The following SPIDR variants were observed in gnomAD, a reference collection of about 807,000 sequenced individuals.
SPIDR encodes DNA repair-scaffolding protein.
Under a neutral mutation model 104.6 loss-of-function variants are expected in SPIDR, and 93 were observed. The ratio of observed to expected loss-of-function variants is 0.89; its 90% CI spans 0.75 to 1.06. The LOEUF (loss-of-function observed/expected upper bound fraction) is 1.06. Among genes scored for constraint, SPIDR ranks in the 50% least tolerant of loss-of-function variants. The pLI is 0.00. For synonymous variants in SPIDR, 431 were observed against 416.9 expected (o/e 1.03, Z -0.41); for missense variants, 1,154 against 1,111.2 (o/e 1.04, Z -0.55).
intron 8 of SPIDR, among the ~76,000 whole-genome samples, chr8:47,467,796 C>T (rs1358838902): frequency 7.2e-5 from 11 of 152,164 alleles, no homozygotes; most frequent in African/African-American, 2.7e-4. Flanking sequence ...AAAACCAGCC[C>T]AAGACAAGGA....
chr8:47,735,966 G>C lies in SPIDR; in HGVS notation c.*516G>C, dbSNP rs996802096. 4.6e-6 allele frequency: 1 copy of C among 216,452 alleles called. No individual in the cohort carries two copies. The highest frequency in any genetic ancestry group is 5.3e-5 in the Admixed American group (1 of 18,866). The allele number at this position is 216,452 out of a possible 1,614,324, so 13.4% of individuals were successfully genotyped here. A position where few individuals can be genotyped will look rare whatever the true frequency, so the allele number is the denominator to read the frequency against. ...AAATGTTCTAGGGAACTGTATCACA[G>C]GTGAAACTGTTACCCATAAAGTGTA... is the stretch of plus-strand genomic sequence containing the variant. On this transcript the variant is annotated 3_prime_UTR_variant, in exon 20 of 20. Coordinates refer to ENST00000297423, the MANE Select transcript of SPIDR (RefSeq NM_001080394.4).
chr8:47,712,688 A>G lies in SPIDR; in HGVS notation c.2004A>G (p.Gln668=). 3.1e-6 allele frequency: 5 copies of G among 1,614,126 alleles called. No individual in the cohort carries two copies. Among genetic ancestry groups the G allele is most frequent in the Non-Finnish European group, 4.2e-6 (5 of 1,180,028 alleles). The part of the protein sequence containing the change: ...PQLKSLLLLE[Q]REIWLLVTDV... ...TGAAGAGTCTGCTGCTTCTGGAGCAAAGGGAGATCTGGCTGCTAGTGACCG... is the reference window on the plus strand; with the variant it reads ...TGAAGAGTCTGCTGCTTCTGGAGCAGAGGGAGATCTGGCTGCTAGTGACCG... Residue 668 remains glutamine (Q), a synonymous_variant, in exon 15 of 20, where the codon CAA becomes CAG. Coordinates refer to ENST00000297423, the MANE Select transcript of SPIDR (RefSeq NM_001080394.4).
intron 1 of SPIDR, among the ~76,000 whole-genome samples, chr8:47,272,734 T>C (rs1291405236): frequency 6.6e-6 from 1 of 152,140 alleles, no homozygotes; most frequent in Admixed American, 6.5e-5. Flanking sequence ...TGGGTTCTTA[T>C]CTCACGATTA....
intron 8 of SPIDR, among the ~76,000 whole-genome samples, chr8:47,518,179 C>A (rs956000018): frequency 4.6e-5 from 7 of 152,222 alleles, no homozygotes; most frequent in African/African-American, 1.7e-4. Context: ...TCTGGCACAG[C>A]AGCCAGGCAC....
intron 5 of SPIDR, among the ~76,000 whole-genome samples, chr8:47,308,860 G>A (rs1053926841): frequency 2.6e-5 from 4 of 152,248 alleles, no homozygotes; most frequent in Admixed American, 1.3e-4. Context: ...CTGCCTTGGG[G>A]CTGAGGGTGG....
chr8:47,663,126 C>A (rs186564140), intron 10 of SPIDR, among the ~76,000 whole-genome samples: 1 of 152,376 alleles, frequency 6.6e-6, no homozygotes, highest in East Asian at 1.9e-4. Context: ...GGGTTTCATA[C>A]ATGCTATGCT....
At chr8:47,479,459 C>G (rs1211667783) in intron 8 of SPIDR, among the ~76,000 whole-genome samples, 1 of 152,198 alleles carries the variant, frequency 6.6e-6, no homozygotes, top group Non-Finnish European at 1.5e-5. Context: ...GTTTCCCCTG[C>G]TCTGACTCCC....
intron 8 of SPIDR, among the ~76,000 whole-genome samples, chr8:47,565,990 ATATTTTTTTTT>A (rs1458935988): frequency 6.8e-5 from 2 of 29,352 alleles, no homozygotes; most frequent in African/African-American, 1.8e-4. Context: ...ATATATATAT[ATATTTTTTTTT>A]TTTTTTTTTT....
At chr8:47,661,047 GCCTGCTCC>G in intron 10 of SPIDR, 1 of 821,516 alleles carries the variant, frequency 1.2e-6, no homozygotes, top group Middle Eastern at 6.1e-4. Context: ...GTCATGTGGT[GCCTGCTCC>G]CCTGCACCAC....
chr8:47,327,391 CTTTTT>C (rs375122007), intron 5 of SPIDR, among the ~76,000 whole-genome samples: 1 of 132,610 alleles, frequency 7.5e-6, no homozygotes, highest in Non-Finnish European at 1.6e-5. Flanking sequence ...GGTTTTTTCA[CTTTTT>C]TTTTTTTTTT....
chr8:47,678,898 A>G (rs1384477299), intron 11 of SPIDR, among the ~76,000 whole-genome samples: 2 of 152,198 alleles, frequency 1.3e-5, no homozygotes, highest in Non-Finnish European at 2.9e-5. Context: ...CTCAGTCAAC[A>G]TGCTCAGAAA....
chr8:47,441,476 T>C (rs1222608738), intron 8 of SPIDR, among the ~76,000 whole-genome samples: 1 of 152,190 alleles, frequency 6.6e-6, no homozygotes, highest in Non-Finnish European at 1.5e-5. Context: ...TTGGTCACTT[T>C]GGTCCTGGTG....
At chr8:47,385,915 CT>C (rs2059848792) in intron 5 of SPIDR, among the ~76,000 whole-genome samples, 1 of 152,056 alleles carries the variant, frequency 6.6e-6, no homozygotes, top group Non-Finnish European at 1.5e-5. Context: ...CTTCTATGGA[CT>C]TTGTGTCATA....
chr8:47,422,093 A>C (rs193145015), intron 7 of SPIDR, among the ~76,000 whole-genome samples: 3 of 152,288 alleles, frequency 2.0e-5, no homozygotes, highest in Non-Finnish European at 4.4e-5. Flanking sequence ...CCGTTCTCAG[A>C]TCTCCAGCTG....
At position 47,727,236 on chromosome 8, in the gene SPIDR, C is replaced by T. The variant is rs1025912337; in HGVS notation, c.2378C>T (p.Ser793Leu). The T allele has an allele frequency of 3.1e-6, 5 of 1,614,034 alleles. No individual in the cohort carries two copies. Among genetic ancestry groups the T allele is most frequent in the Middle Eastern group, 1.6e-4 (1 of 6,084 alleles). The change falls in exon 17 of 20, where the codon TCA (serine) becomes TTA (leucine). Residue 793 changes from serine to leucine, a missense_variant. Transcript: ENST00000297423. ...VVGVDESTAF[S>L]WPVCDMCGNG... is the part of the protein sequence containing the mutation. Reference sequence around the variant, plus strand: ...GGCGTGGACGAGAGCACTGCTTTCTCATGGCCTGTGTGTGACATGTGTGGC... The same window carrying T: ...GGCGTGGACGAGAGCACTGCTTTCTTATGGCCTGTGTGTGACATGTGTGGC...
chr8:47,439,895 A>G (rs1308979818), intron 7 of SPIDR, among the ~76,000 whole-genome samples: 2 of 152,194 alleles, frequency 1.3e-5, no homozygotes. Flanking sequence ...AGTAACATAC[A>G]TGATTTCAAA....
chr8:47,566,514 C>T (rs978793143), intron 8 of SPIDR, among the ~76,000 whole-genome samples: 1 of 152,060 alleles, frequency 6.6e-6, no homozygotes, highest in Non-Finnish European at 1.5e-5. Context: ...GATACTCAGT[C>T]ACTGAGTATC....
intron 8 of SPIDR, among the ~76,000 whole-genome samples, chr8:47,512,673 T>C (rs1373857975): frequency 6.6e-6 from 1 of 152,132 alleles, no homozygotes; most frequent in African/African-American, 2.4e-5. Flanking sequence ...TTCCTCTTCC[T>C]GGCAGTGGTC....
At chr8:47,533,948 A>C (rs2154385543) in intron 8 of SPIDR, among the ~76,000 whole-genome samples, 1 of 152,302 alleles carries the variant, frequency 6.6e-6, no homozygotes, top group East Asian at 1.9e-4. Context: ...TCCCCACCCA[A>C]ATCTCACCTT....
Sources: allele counts gnomAD v4.1 joint callset (sites outside exome capture counted in the v4.1 genomes callset), GRCh38; gene constraint gnomAD v4.1.1; transcripts MANE v1.5; gene names NCBI Gene and HGNC (gene_info 2026-07-23, HGNC 2026-07-21).